The following UGT2A1 variants were observed in gnomAD, a reference collection of about 807,000 sequenced individuals.
UGT2A1 encodes the protein UDP-glucuronosyltransferase 2A1.
UGT2A1 carries 61 observed loss-of-function variants against 45.4 expected under a neutral mutation model. The observed-to-expected ratio is 1.34, with a 90% CI of 1.09 to 1.66. UGT2A1 has a LOEUF of 1.66. UGT2A1 is among the 40% of genes most tolerant of loss of function. The probability of loss-of-function intolerance (pLI) is 0.00; values close to 1 mark genes in which losing one functional copy is unlikely to be tolerated. For synonymous variants in UGT2A1, 229 were observed against 196.2 expected (o/e 1.17, Z -1.40); for missense variants, 649 against 574.3 (o/e 1.13, Z -1.33).
intron 3 of UGT2A1, among the ~76,000 whole-genome samples, chr4:69,608,678 A>G (rs1350800068): frequency 6.6e-6 from 1 of 152,024 alleles, no homozygotes; most frequent in African/African-American, 2.4e-5. Flanking sequence ...CAAAATACAC[A>G]CAAAAAATAA....
At position 69,610,015 on chromosome 4, in the gene UGT2A1, C is replaced by A. The variant is rs115830847; in HGVS notation, c.848-10621G>T. Among the ~76,000 whole-genome samples the A allele has an allele frequency of 4.3e-3, 648 of 152,128 alleles. 6 individuals carry two copies. The highest frequency in any genetic ancestry group is 0.013 in the African/African-American group (545 of 41,548). On this transcript the variant is annotated intron_variant, in intron 3 of 6. Transcript: ENST00000286604. The stretch of plus-strand genomic sequence containing the variant: ...GAGGAAATAACATATAACTAGCAGA[C>A]CTATAAAGTTTTTAAAGAGAATGTT...
chr4:69,593,149 C>T (rs1484655581), intron 6 of UGT2A1, among the ~76,000 whole-genome samples: 1 of 152,004 alleles, frequency 6.6e-6, no homozygotes, highest in Non-Finnish European at 1.5e-5. Flanking sequence ...GTGAATATTG[C>T]TAAACATTAT....
intron 4 of UGT2A1, among the ~76,000 whole-genome samples, chr4:69,597,466 T>C (rs564462272): frequency 6.6e-6 from 1 of 152,298 alleles, no homozygotes; most frequent in Non-Finnish European, 1.5e-5. Flanking sequence ...TTTCACATCA[T>C]ATCTATATGA....
intron 3 of UGT2A1, among the ~76,000 whole-genome samples, chr4:69,624,534 TTC>T (rs1162689574): frequency 6.6e-6 from 1 of 151,460 alleles, no homozygotes; most frequent in African/African-American, 2.4e-5. Flanking sequence ...CTCTTTTTTG[TTC>T]TTTTTTTCTT....
intron 4 of UGT2A1, among the ~76,000 whole-genome samples, chr4:69,598,806 T>C (rs1021619721): frequency 2.6e-4 from 40 of 152,146 alleles, no homozygotes; most frequent in African/African-American, 9.2e-4. Context: ...TATTTCATTG[T>C]CTTTCTTCAA....
intron 4 of UGT2A1, among the ~76,000 whole-genome samples, chr4:69,597,858 T>C (rs1719031956): frequency 6.6e-6 from 1 of 152,170 alleles, no homozygotes; most frequent in Admixed American, 6.5e-5. Flanking sequence ...TCATCAGCAA[T>C]ATAACCCATG....
intron 3 of UGT2A1, among the ~76,000 whole-genome samples, chr4:69,616,049 C>T (rs1720360963): frequency 6.6e-6 from 1 of 151,894 alleles, no homozygotes; most frequent in Non-Finnish European, 1.5e-5. Context: ...GTGAAAATCC[C>T]GTCATTTGCA....
At chr4:69,634,818 G>A (rs1350526351) in intron 3 of UGT2A1, among the ~76,000 whole-genome samples, 1 of 152,146 alleles carries the variant, frequency 6.6e-6, no homozygotes, top group East Asian at 1.9e-4. Context: ...CACCCTTAAT[G>A]GTAAACAATG....
intron 2 of UGT2A1, among the ~76,000 whole-genome samples, chr4:69,637,508 T>C (rs1721776823): frequency 6.6e-6 from 1 of 152,138 alleles, no homozygotes; most frequent in Non-Finnish European, 1.5e-5. Context: ...TGTTCTTACC[T>C]ACTCCTAAAA....
At chr4:69,620,747 C>CA (rs1475337561) in intron 3 of UGT2A1, among the ~76,000 whole-genome samples, 1 of 150,052 alleles carries the variant, frequency 6.7e-6, no homozygotes, top group Non-Finnish European at 1.5e-5. Flanking sequence ...AACTATACTA[C>CA]AGGGCTACAG....
At chr4:69,622,044 A>C (rs74586029) in intron 3 of UGT2A1, among the ~76,000 whole-genome samples, 41,235 of 151,476 alleles carry the variant, frequency 0.27, 5,820 homozygotes, top group South Asian at 0.32. Flanking sequence ...AAGAGAAAAT[A>C]TAACTATTGA....
intron 2 of UGT2A1, among the ~76,000 whole-genome samples, chr4:69,640,494 G>T (rs562446435): frequency 6.6e-6 from 1 of 151,944 alleles, no homozygotes; most frequent in East Asian, 1.9e-4. Context: ...ATCAGATATG[G>T]ATATAGTGTT....
chr4:69,600,208 G>T (rs985862850), intron 3 of UGT2A1, among the ~76,000 whole-genome samples: 1 of 152,168 alleles, frequency 6.6e-6, no homozygotes, highest in African/African-American at 2.4e-5. Flanking sequence ...AGACCACGGG[G>T]AAATGCCTTA....
chr4:69,589,242 G>A lies in UGT2A1; in HGVS notation c.*130C>T, dbSNP rs1222363727. 4.9e-6 allele frequency: 6 copies of A among 1,218,780 alleles called. No homozygotes were observed. Among genetic ancestry groups the A allele is most frequent in the South Asian group, 2.0e-5 (1 of 49,548 alleles). The allele number at this position is 1,218,780 out of a possible 1,614,324, so 75.5% of individuals were successfully genotyped here. On this transcript the variant is annotated 3_prime_UTR_variant, in exon 7 of 7. Transcript: ENST00000286604. ...TATCAGTAGGCTTATCGCAGGTAGA[G>A]AAATAGAAAATTTGGAAACAGGATG...
intron 1 of UGT2A1, among the ~76,000 whole-genome samples, chr4:69,649,169 C>A (rs1208016435): frequency 6.6e-6 from 1 of 152,036 alleles, no homozygotes; most frequent in Non-Finnish European, 1.5e-5. Context: ...ATAAAAATGT[C>A]TCTTCTAAGC....
At chr4:69,594,744 A>G (rs1467961653) in intron 5 of UGT2A1, 48 bp from the exon 6 acceptor site, 2 of 1,571,358 alleles carry the variant, frequency 1.3e-6, no homozygotes, top group Admixed American at 1.9e-5. Context: ...ATAACACATT[A>G]GCAGAATTTG....
rs143180467 is a variant in UGT2A1, at chr4:69,644,440, T to C, written c.715+2490A>G. On this transcript the variant is annotated intron_variant, in intron 2 of 6. Transcript: ENST00000286604. ...ACGGTCTATGTACATTCCGCTCTTA[T>C]ATGAACGGAGATGCTGCACATATTC... Among the ~76,000 whole-genome samples the C allele has an allele frequency of 3.6e-3, 546 of 151,842 alleles. 2 individuals carry two copies. The highest frequency in any genetic ancestry group is 0.013 in the African/African-American group (523 of 41,514).
intron 6 of UGT2A1, among the ~76,000 whole-genome samples, chr4:69,590,956 A>T (rs1300780214): frequency 6.6e-5 from 10 of 152,344 alleles, no homozygotes; most frequent in Admixed American, 6.5e-4. Context: ...AATGAATAAC[A>T]GAATGGAGTA....
At chr4:69,593,575 A>G (rs1242970908) in intron 6 of UGT2A1, among the ~76,000 whole-genome samples, 2 of 151,576 alleles carry the variant, frequency 1.3e-5, no homozygotes, top group Non-Finnish European at 1.5e-5. Context: ...TATATAATAT[A>G]CTAAGCTATG....
Sources: gnomAD v4.1 joint callset for allele counts (sites outside exome capture counted in the v4.1 genomes callset) on GRCh38, gnomAD v4.1.1 for gene constraint, MANE v1.5 for transcripts, NCBI Gene and HGNC (gene_info 2026-07-23, HGNC 2026-07-21) for gene names.